Variants in PAK5 observed in about 807,000 individuals in gnomAD.
The protein encoded by PAK5 is serine/threonine-protein kinase PAK 5.
PAK5 carries 16 observed loss-of-function variants against 65.9 expected under a neutral mutation model. The ratio of observed to expected loss-of-function variants is 0.24; its 90% CI spans 0.16 to 0.37. PAK5 has a LOEUF of 0.37. PAK5 is among the 10% of genes least tolerant of loss of function. The pLI is 1.00. For missense variants in PAK5, 785 were observed against 903.9 expected, an observed-to-expected ratio of 0.87 and a Z score of 1.69; for synonymous variants, 371 against 354.9, an observed-to-expected ratio of 1.05 and a Z score of -0.51.
intron 2 of PAK5, among the ~76,000 whole-genome samples, chr20:9,667,572 T>A (rs1344328451): frequency 6.6e-6 from 1 of 152,174 alleles, no homozygotes; most frequent in Non-Finnish European, 1.5e-5. Flanking sequence ...TTCCAGAAAG[T>A]TCATCTTCTA....
intron 3 of PAK5, among the ~76,000 whole-genome samples, chr20:9,608,963 T>C (rs1027161277): frequency 2.0e-5 from 3 of 152,234 alleles, no homozygotes; most frequent in Admixed American, 1.3e-4. Flanking sequence ...TGATGAAGAA[T>C]AAAGCAACGT....
At position 9,705,886 on chromosome 20, in the gene PAK5, G is replaced by C. The variant is rs544235930; in HGVS notation, c.-12+5400C>G. On this transcript the variant is annotated intron_variant, in intron 2 of 9. Transcript: ENST00000353224. Reference sequence around the variant, plus strand: ...CTACAAAAGTTTCCATTCTGCCTCTGAGGAGCTTGAGATGCTAATATTAGC... The same window carrying C: ...CTACAAAAGTTTCCATTCTGCCTCTCAGGAGCTTGAGATGCTAATATTAGC... Among the ~76,000 whole-genome samples the C allele has an allele frequency of 1.8e-4, 28 of 152,300 alleles. No individual in the cohort carries two copies. The South Asian group carries it at 5.8e-3, about 32-fold the overall frequency.
At chr20:9,572,931 T>A (rs528753143) in intron 4 of PAK5, among the ~76,000 whole-genome samples, 34 of 152,204 alleles carry the variant, frequency 2.2e-4, no homozygotes, top group Non-Finnish European at 3.8e-4. Context: ...GAAGACCAGG[T>A]CAATTGTCTT....
At chr20:9,576,438 T>C (rs760737836) in intron 4 of PAK5, among the ~76,000 whole-genome samples, 6 of 152,128 alleles carry the variant, frequency 3.9e-5, no homozygotes, top group Non-Finnish European at 5.9e-5. Context: ...AGGGATGCTA[T>C]GGACGTCTAG....
At chr20:9,704,368 C>A (rs970710626) in intron 2 of PAK5, among the ~76,000 whole-genome samples, 1 of 152,192 alleles carries the variant, frequency 6.6e-6, no homozygotes, top group South Asian at 2.1e-4. Flanking sequence ...ACTTCACAAT[C>A]TGCATAATTA....
At chr20:9,820,733 CA>C (rs888803891) in intron 1 of PAK5, among the ~76,000 whole-genome samples, 6 of 152,140 alleles carry the variant, frequency 3.9e-5, no homozygotes, top group African/African-American at 1.2e-4. Flanking sequence ...AAGGCAGGCA[CA>C]ACAAAAGTGG....
intron 3 of PAK5, among the ~76,000 whole-genome samples, chr20:9,620,294 G>A (rs1329242815): frequency 2.0e-5 from 3 of 152,192 alleles, no homozygotes; most frequent in East Asian, 1.9e-4. Flanking sequence ...TTGGTATTTG[G>A]CTGGCATTTG....
At chr20:9,742,930 T>C (rs1306633717) in intron 1 of PAK5, among the ~76,000 whole-genome samples, 4 of 152,254 alleles carry the variant, frequency 2.6e-5, no homozygotes, top group African/African-American at 9.6e-5. Context: ...AACAGGACGA[T>C]AACCCAGAAA....
intron 3 of PAK5, among the ~76,000 whole-genome samples, chr20:9,599,716 T>A (rs7268707): frequency 0.055 from 8,434 of 152,178 alleles, 352 homozygotes; most frequent in African/African-American, 0.12. Context: ...CTTTTTATTG[T>A]TGCTGAGTTG....
At chr20:9,797,726 G>A (rs903642440) in intron 1 of PAK5, among the ~76,000 whole-genome samples, 2 of 147,890 alleles carry the variant, frequency 1.4e-5, no homozygotes, top group East Asian at 2.0e-4. Context: ...AGAAGGAGAG[G>A]AGATGAACTG....
intron 1 of PAK5, among the ~76,000 whole-genome samples, chr20:9,730,628 C>A (rs550027951): frequency 6.6e-6 from 1 of 152,196 alleles, no homozygotes; most frequent in African/African-American, 2.4e-5. Context: ...TGACAACAAA[C>A]TGGAGAAGCT....
chr20:9,564,994 T>C (rs896059314), intron 5 of PAK5, among the ~76,000 whole-genome samples: 2 of 151,788 alleles, frequency 1.3e-5, no homozygotes, highest in Non-Finnish European at 2.9e-5. Flanking sequence ...CAGAACCACA[T>C]ACATCTAAAG....
intron 2 of PAK5, among the ~76,000 whole-genome samples, chr20:9,652,046 C>T (rs1280007347): frequency 1.5e-4 from 23 of 152,146 alleles, no homozygotes. Context: ...GACTCCCTCA[C>T]GAAGAGAGAT....
intron 1 of PAK5, among the ~76,000 whole-genome samples, chr20:9,735,712 T>C (rs1038114364): frequency 6.6e-6 from 1 of 151,810 alleles, no homozygotes; most frequent in Non-Finnish European, 1.5e-5. Flanking sequence ...CTCAAGAATA[T>C]TGATAGGACT....
intron 4 of PAK5, among the ~76,000 whole-genome samples, chr20:9,573,098 CTT>C (rs34357361): frequency 2.1e-5 from 3 of 146,266 alleles, no homozygotes; most frequent in South Asian, 2.2e-4. Context: ...GTGATTTCCT[CTT>C]TTTTTTTTTT....
intron 2 of PAK5, among the ~76,000 whole-genome samples, chr20:9,698,498 T>C (rs1030763770): frequency 5.3e-5 from 8 of 152,170 alleles, no homozygotes; most frequent in Admixed American, 1.3e-4. Context: ...AAACATTAAT[T>C]ACAAGAATCA....
At chr20:9,553,863 T>C (rs978176844) in intron 7 of PAK5, among the ~76,000 whole-genome samples, 17 of 151,910 alleles carry the variant, frequency 1.1e-4, no homozygotes, top group African/African-American at 4.1e-4. Flanking sequence ...TCTGGATAAA[T>C]GCCTCAGAGT....
At chr20:9,818,087 G>T (rs999361925) in intron 1 of PAK5, among the ~76,000 whole-genome samples, 1 of 152,194 alleles carries the variant, frequency 6.6e-6, no homozygotes, top group East Asian at 1.9e-4. Context: ...CTTGGTATCT[G>T]TTCACTTCCT....
chr20:9,762,617 A>G (rs1037969366), intron 1 of PAK5, among the ~76,000 whole-genome samples: 2 of 152,160 alleles, frequency 1.3e-5, no homozygotes, highest in African/African-American at 4.8e-5. Flanking sequence ...ACAACAAATA[A>G]TAAGTGTTGG....
Sources: allele counts gnomAD v4.1 joint callset (sites outside exome capture counted in the v4.1 genomes callset), GRCh38; gene constraint gnomAD v4.1.1; transcripts MANE v1.5; gene names NCBI Gene and HGNC (gene_info 2026-07-23, HGNC 2026-07-21).